Variants in HDAC4 observed in about 807,000 individuals in gnomAD.
HDAC4 encodes the protein histone deacetylase 4, also known as histone deacetylase A.
A neutral mutation model predicts 135.1 loss-of-function variants in HDAC4; 16 were observed. That is an observed-to-expected ratio of 0.12 (90% CI 0.08 to 0.18). The LOEUF (loss-of-function observed/expected upper bound fraction) is 0.18, where lower values mean the gene tolerates loss of function less well. Ranked by LOEUF, HDAC4 falls within the 10% of genes least tolerant of loss-of-function variation. HDAC4 has a pLI of 1.00. For synonymous variants in HDAC4, 685 were observed against 653.4 expected, an observed-to-expected ratio of 1.05 and a Z score of -0.74; for missense variants, 1,143 against 1,511.8, an observed-to-expected ratio of 0.76 and a Z score of 4.05.
At position 239,049,072 on chromosome 2, in the gene HDAC4, G is replaced by A. The variant is rs1011748391; in HGVS notation, c.*4025C>T. ...TCGAGAGAGACAGGCAGTTCACTGTGAATTCTGAGTAGTTTCCCTAAAACA... is the reference window on the plus strand; with the variant it reads ...TCGAGAGAGACAGGCAGTTCACTGTAAATTCTGAGTAGTTTCCCTAAAACA... On this transcript the variant is annotated 3_prime_UTR_variant, in exon 27 of 27. Coordinates refer to ENST00000543185, the MANE Select transcript of HDAC4 (RefSeq NM_001378414.1). 1.3e-5 allele frequency: 2 copies of A among 152,242 alleles called. No homozygotes were observed. The highest frequency in any genetic ancestry group is 4.8e-5 in the African/African-American group (2 of 41,458). 9.4% of individuals were successfully genotyped at this position (152,242 alleles called of 1,614,324 possible).
intron 22 of HDAC4, among the ~76,000 whole-genome samples, chr2:239,079,416 G>A (rs1452452545): frequency 6.6e-6 from 1 of 152,172 alleles, no homozygotes; most frequent in Non-Finnish European, 1.5e-5. Context: ...CCTGGGCTCC[G>A]TCAGATGGGG....
chr2:239,239,117 A>G (rs956740131), intron 2 of HDAC4, among the ~76,000 whole-genome samples: 1 of 152,150 alleles, frequency 6.6e-6, no homozygotes, highest in Non-Finnish European at 1.5e-5. Context: ...TTCCACTCTG[A>G]CAATAACTGC....
chr2:239,074,807 C>G (rs908120419), intron 22 of HDAC4, among the ~76,000 whole-genome samples: 9 of 152,106 alleles, frequency 5.9e-5, no homozygotes, highest in Admixed American at 6.5e-5. Context: ...GTCTTCAGGA[C>G]TGTGCTTACC....
chr2:239,120,392 G>GAC (rs1358285130), intron 12 of HDAC4, among the ~76,000 whole-genome samples: 2 of 148,528 alleles, frequency 1.3e-5, no homozygotes, highest in Non-Finnish European at 3.0e-5. Context: ...GGCACACACA[G>GAC]ACGCACACAG....
intron 16 of HDAC4, among the ~76,000 whole-genome samples, chr2:239,099,814 T>C (rs1159468996): frequency 6.6e-6 from 1 of 152,186 alleles, no homozygotes; most frequent in Admixed American, 6.5e-5. Flanking sequence ...GCCGCCACCC[T>C]CTCACAGACC....
rs1448862849 is a variant in HDAC4 at position 239,144,441 on chromosome 2, GC to G, written c.865+141del. 4 of 1,109,382 alleles carry G rather than the reference GC, an allele frequency of 3.6e-6. No individual in the cohort carries two copies. The South Asian group carries it at 3.8e-5, about 10-fold the overall frequency. 68.7% of individuals were successfully genotyped at this position (1,109,382 alleles called of 1,614,324 possible). A position where few individuals can be genotyped will look rare whatever the true frequency, so the allele number is the denominator to read the frequency against. ...GTCCCCTGGGCCTGGCACTTCCAGC[GC>G]CATGGGAACAGGACCACACTGGGGG... On this transcript the variant is annotated intron_variant, in intron 8 of 26. Coordinates refer to ENST00000543185, the MANE Select transcript of HDAC4 (RefSeq NM_001378414.1).
chr2:239,337,434 G>A (rs1330155394), intron 2 of HDAC4, among the ~76,000 whole-genome samples: 1 of 152,144 alleles, frequency 6.6e-6, no homozygotes, highest in East Asian at 1.9e-4. Flanking sequence ...ACTGCAAGTC[G>A]GTTATCGCTG....
At chr2:239,191,134 C>T (rs2044920598) in intron 3 of HDAC4, 6 of 403,090 alleles carry the variant, frequency 1.5e-5, no homozygotes, top group Non-Finnish European at 3.1e-5. Flanking sequence ...TCCCCATAAC[C>T]AACACTCATG....
At chr2:239,132,805 C>CGAAGTGAATCCCAG (rs1429264530) in intron 11 of HDAC4, among the ~76,000 whole-genome samples, 1 of 152,216 alleles carries the variant, frequency 6.6e-6, no homozygotes, top group Non-Finnish European at 1.5e-5. Flanking sequence ...ACATCTCTGA[C>CGAAGTGAATCCCAG]GAAGTGAATC....
At chr2:239,387,074 G>A (rs1695863141) in intron 1 of HDAC4, among the ~76,000 whole-genome samples, 1 of 151,302 alleles carries the variant, frequency 6.6e-6, no homozygotes, top group South Asian at 2.1e-4. Flanking sequence ...CGTGTCCGGG[G>A]AGCACGAGTG....
chr2:239,340,340 T>C (rs1434618089), intron 2 of HDAC4, among the ~76,000 whole-genome samples: 1 of 151,960 alleles, frequency 6.6e-6, no homozygotes, highest in African/African-American at 2.4e-5. Context: ...AAATCACAGA[T>C]AGATGTGAAG....
intron 25 of HDAC4, among the ~76,000 whole-genome samples, chr2:239,053,819 GCTCGAGTCC>G: frequency 6.6e-6 from 1 of 152,290 alleles, no homozygotes. Flanking sequence ...ATTGTGAGTG[GCTCGAGTCC>G]CTCCAGGAGC....
intron 2 of HDAC4, among the ~76,000 whole-genome samples, chr2:239,302,586 C>T (rs998161368): frequency 6.6e-6 from 1 of 152,250 alleles, no homozygotes; most frequent in African/African-American, 2.4e-5. Flanking sequence ...TGCCCCTCTT[C>T]CAGCGACACA....
In HDAC4 at chr2:239,392,829, G is replaced by A. The variant is rs557670155; in HGVS notation, c.-220+8149C>T. Among the ~76,000 whole-genome samples the A allele has an allele frequency of 2.1e-4, 32 of 152,342 alleles. 2 individuals carry two copies. In the East Asian group the frequency reaches 5.6e-3, roughly 27 times the overall value. On this transcript the variant is annotated intron_variant, in intron 1 of 26. Transcript: ENST00000543185. Reference sequence around the variant, plus strand: ...CCACTTTCTGCCACTTGACTTACATGGCACGGTGCCAGCCAGCAAGGCCCC... The same window carrying A: ...CCACTTTCTGCCACTTGACTTACATAGCACGGTGCCAGCCAGCAAGGCCCC...
chr2:239,171,169 CA>C (rs34204026), intron 5 of HDAC4, among the ~76,000 whole-genome samples: 54,946 of 113,838 alleles, frequency 0.48, 10,239 homozygotes, highest in South Asian at 0.59. Flanking sequence ...ACAATCTGAC[CA>C]AAAAAAAAAA....
intron 22 of HDAC4, among the ~76,000 whole-genome samples, chr2:239,071,160 G>C (rs1036273379): frequency 2.0e-5 from 3 of 152,186 alleles, no homozygotes; most frequent in African/African-American, 7.2e-5. Flanking sequence ...GCTCACGCCA[G>C]TAATCCCAGC....
chr2:239,238,782 G>T (rs375827189), intron 2 of HDAC4, among the ~76,000 whole-genome samples: 1 of 152,172 alleles, frequency 6.6e-6, no homozygotes, highest in Admixed American at 6.5e-5. Flanking sequence ...CAGTGCAACC[G>T]ATTTGACTTG....
At chr2:239,061,554 T>C (rs1339851445) in intron 24 of HDAC4, among the ~76,000 whole-genome samples, 1 of 151,998 alleles carries the variant, frequency 6.6e-6, no homozygotes, top group African/African-American at 2.4e-5. Context: ...TGAGCAAGGA[T>C]GCACGTGCAT....
intron 2 of HDAC4, among the ~76,000 whole-genome samples, chr2:239,282,998 T>C (rs1559325366): frequency 6.6e-6 from 1 of 151,836 alleles, no homozygotes; most frequent in African/African-American, 2.4e-5. Flanking sequence ...CACTCTACAA[T>C]GTACATACCA....
Sources: allele counts gnomAD v4.1 joint callset (sites outside exome capture counted in the v4.1 genomes callset), GRCh38; gene constraint gnomAD v4.1.1; transcripts MANE v1.5; gene names NCBI Gene and HGNC (gene_info 2026-07-23, HGNC 2026-07-21).